SEM1: variants seen among roughly 807,000 people sequenced by gnomAD.
SEM1 encodes the protein SEM1 26S proteasome subunit.
Under a neutral mutation model 12.7 loss-of-function variants are expected in SEM1, and 3 were observed. The ratio of observed to expected loss-of-function variants is 0.24; its 90% CI spans 0.11 to 0.61. SEM1 has a LOEUF of 0.61. Among genes scored for constraint, SEM1 ranks in the 20% least tolerant of loss-of-function variants. SEM1 has a pLI of 0.88. For missense variants in SEM1, 59 were observed against 81.3 expected, an observed-to-expected ratio of 0.73 and a Z score of 1.06; for synonymous variants, 30 against 27.8, an observed-to-expected ratio of 1.08 and a Z score of -0.25.
chr7:96,613,550 A>AT (rs1213687284), intron 2 of SEM1, among the ~76,000 whole-genome samples: 1 of 152,150 alleles, frequency 6.6e-6, no homozygotes, highest in Non-Finnish European at 1.5e-5. Flanking sequence ...TGGTAATACT[A>AT]TTTACAATCC....
At chr7:96,633,487 C>A (rs954407032) in intron 2 of SEM1, among the ~76,000 whole-genome samples, 10 of 152,078 alleles carry the variant, frequency 6.6e-5, no homozygotes, top group Admixed American at 5.9e-4. Flanking sequence ...GATACACAGT[C>A]AATATTTAAT....
At chr7:96,663,534 G>C (rs1245986292) in intron 2 of SEM1, among the ~76,000 whole-genome samples, 1 of 152,206 alleles carries the variant, frequency 6.6e-6, no homozygotes, top group African/African-American at 2.4e-5. Flanking sequence ...GATTGGATAG[G>C]AAGAGCCTCT....
chr7:96,663,830 A>T (rs564259475), intron 2 of SEM1, among the ~76,000 whole-genome samples: 1 of 152,342 alleles, frequency 6.6e-6, no homozygotes, highest in East Asian at 1.9e-4. Flanking sequence ...CAAATATAGA[A>T]TTAAAAACAG....
intron 1 of SEM1, among the ~76,000 whole-genome samples, chr7:96,704,092 G>A (rs1790367700): frequency 6.6e-6 from 1 of 151,930 alleles, no homozygotes; most frequent in Non-Finnish European, 1.5e-5. Context: ...TGAACACAAT[G>A]AGGGCATGAG....
intron 2 of SEM1, chr7:96,558,130 G>C (rs1351601327): frequency 6.5e-6 from 1 of 153,132 alleles, no homozygotes; most frequent in Non-Finnish European, 1.5e-5. Context: ...AGATGGAAAT[G>C]CAGAAATCAC....
chr7:96,510,101 A>G (rs1197113846), intron 2 of SEM1, among the ~76,000 whole-genome samples: 1 of 152,184 alleles, frequency 6.6e-6, no homozygotes, highest in Non-Finnish European at 1.5e-5. Context: ...ACTACATTTT[A>G]TCAATCACTT....
At chr7:96,694,732 G>T in intron 2 of SEM1, 66 bp downstream of exon 2, 1 of 1,054,188 alleles carries the variant, frequency 9.5e-7, no homozygotes, top group Non-Finnish European at 1.5e-6. Context: ...AATCATCTAT[G>T]TAAATTACAT....
chr7:96,689,044 A>C (rs1789846432), intron 2 of SEM1, 78 bp from the exon 3 acceptor site: 1 of 871,802 alleles, frequency 1.1e-6, no homozygotes, highest in Non-Finnish European at 1.9e-6. Context: ...ATAAATAAAC[A>C]AATAAATGAG....
chr7:96,523,891 C>G (rs1043582469), intron 2 of SEM1, among the ~76,000 whole-genome samples: 2 of 152,068 alleles, frequency 1.3e-5, no homozygotes, highest in Non-Finnish European at 2.9e-5. Flanking sequence ...TGATGCATCT[C>G]ACCCCTTTCA....
At chr7:96,519,769 T>C (rs1804212078) in intron 2 of SEM1, among the ~76,000 whole-genome samples, 1 of 152,036 alleles carries the variant, frequency 6.6e-6, no homozygotes. Context: ...GCCAAAAAGG[T>C]AAAGGTGTGT....
At chr7:96,557,402 T>C (rs1805547125) in intron 2 of SEM1, among the ~76,000 whole-genome samples, 1 of 133,936 alleles carries the variant, frequency 7.5e-6, no homozygotes, top group Non-Finnish European at 1.6e-5. Context: ...TTAGTTTTCC[T>C]TCTAACAGAC....
At chr7:96,615,983 C>T (rs577225361) in intron 2 of SEM1, among the ~76,000 whole-genome samples, 36 of 152,040 alleles carry the variant, frequency 2.4e-4, no homozygotes, top group Non-Finnish European at 4.6e-4. Flanking sequence ...TCTTTACTAT[C>T]GAAAATAGTA....
chr7:96,531,925 TA>T (rs1732844241), intron 2 of SEM1, among the ~76,000 whole-genome samples: 1 of 152,124 alleles, frequency 6.6e-6, no homozygotes, highest in Non-Finnish European at 1.5e-5. Flanking sequence ...TAAGTATTTT[TA>T]CAGATCTAAT....
chr7:96,689,755 T>C (rs1789872157), intron 2 of SEM1, among the ~76,000 whole-genome samples: 1 of 152,212 alleles, frequency 6.6e-6, no homozygotes, highest in South Asian at 2.1e-4. Context: ...ATAAATTATA[T>C]CAAGGCCACA....
intron 2 of SEM1, among the ~76,000 whole-genome samples, chr7:96,552,182 C>G (rs1379495816): frequency 8.1e-6 from 1 of 123,954 alleles, no homozygotes; most frequent in African/African-American, 2.8e-5. Flanking sequence ...ACACTTCCTA[C>G]AGGAGTTTCT....
chr7:96,576,698 C>T (rs1380216533), intron 2 of SEM1, among the ~76,000 whole-genome samples: 1 of 152,094 alleles, frequency 6.6e-6, no homozygotes, highest in Non-Finnish European at 1.5e-5. Context: ...ATTTACTTGG[C>T]TATTTTATTG....
chr7:96,683,143 T>C (rs954390069), intron 2 of SEM1, among the ~76,000 whole-genome samples: 7 of 151,950 alleles, frequency 4.6e-5, no homozygotes, highest in South Asian at 2.1e-4. Context: ...GAAGACAGTG[T>C]GGCGATTCCT....
At chr7:96,522,101 G>A (rs140668746) in intron 2 of SEM1, among the ~76,000 whole-genome samples, 50 of 152,038 alleles carry the variant, frequency 3.3e-4, no homozygotes, top group South Asian at 8.3e-4. Context: ...AATTACCCTC[G>A]AAAGGATATT....
At chr7:96,571,322 T>C (rs923274250) in intron 2 of SEM1, among the ~76,000 whole-genome samples, 5 of 152,014 alleles carry the variant, frequency 3.3e-5, no homozygotes, top group South Asian at 4.1e-4. Context: ...TCTTCTAGGG[T>C]TTTTATAGTT....
Sources: allele counts gnomAD v4.1 joint callset (sites outside exome capture counted in the v4.1 genomes callset), GRCh38; gene constraint gnomAD v4.1.1; transcripts MANE v1.5; gene names NCBI Gene and HGNC (gene_info 2026-07-23, HGNC 2026-07-21).